Variants in ITGA1 observed in about 807,000 individuals in gnomAD.
ITGA1 encodes integrin alpha-1.
In ITGA1, 85 loss-of-function variants were observed where a neutral mutation model predicts 145.9. That is an observed-to-expected ratio of 0.58 (90% CI 0.49 to 0.70). The LOEUF (loss-of-function observed/expected upper bound fraction) is 0.70, where lower values mean the gene tolerates loss of function less well. Among genes scored for constraint, ITGA1 ranks in the 30% least tolerant of loss-of-function variants. ITGA1 has a pLI of 0.00. For missense variants in ITGA1, 1,351 were observed against 1,418.7 expected, an observed-to-expected ratio of 0.95 and a Z score of 0.77; for synonymous variants, 520 against 495.3, an observed-to-expected ratio of 1.05 and a Z score of -0.66.
intron 6 of ITGA1, among the ~76,000 whole-genome samples, chr5:52,876,674 A>G (rs1579691765): frequency 1.3e-5 from 2 of 152,322 alleles, no homozygotes; most frequent in East Asian, 3.9e-4. Context: ...GCAAAACAGC[A>G]GTGAAGGATA....
At chr5:52,826,720 C>A (rs867224339) in intron 1 of ITGA1, among the ~76,000 whole-genome samples, 5 of 152,164 alleles carry the variant, frequency 3.3e-5, no homozygotes, top group Non-Finnish European at 5.9e-5. Flanking sequence ...ATAAATGGAA[C>A]AACAAAACCT....
At chr5:52,925,570 T>C (rs1750793501) in intron 19 of ITGA1, 83 bp downstream of exon 19, 1 of 1,008,058 alleles carries the variant, frequency 9.9e-7, no homozygotes, top group Middle Eastern at 2.2e-4. Flanking sequence ...TAATTGCTTT[T>C]ATTAGATTGA....
At chr5:52,800,166 C>T in intron 1 of ITGA1, 1 of 569,828 alleles carries the variant, frequency 1.8e-6, no homozygotes, top group East Asian at 3.0e-5. Context: ...GCAGTGTTCC[C>T]CGAGCCTGTT....
chr5:52,939,554 G>A, intron 24 of ITGA1, 36 bp from the exon 25 acceptor site: 1 of 1,360,078 alleles, frequency 7.4e-7, no homozygotes, highest in South Asian at 1.2e-5. Flanking sequence ...TCTGATATCT[G>A]GCATTGTCTG....
intron 6 of ITGA1, 131 bp from the exon 7 acceptor site, chr5:52,881,742 G>A: frequency 1.5e-6 from 1 of 670,888 alleles, no homozygotes; most frequent in Admixed American, 2.8e-5. Flanking sequence ...TGTCAAAATA[G>A]AAGCATTTGT....
chr5:52,909,282 A>G (rs1480305928), intron 13 of ITGA1, among the ~76,000 whole-genome samples: 2 of 152,080 alleles, frequency 1.3e-5, no homozygotes, highest in Non-Finnish European at 2.9e-5. Flanking sequence ...TATAGGATAA[A>G]GGAGGTAAAT....
chr5:52,916,867 G>C (rs1485378819), intron 15 of ITGA1, among the ~76,000 whole-genome samples: 1 of 152,064 alleles, frequency 6.6e-6, no homozygotes. Flanking sequence ...ATGTTTTCAG[G>C]GTTTTTATGC....
intron 9 of ITGA1, among the ~76,000 whole-genome samples, chr5:52,895,117 G>T (rs1038038234): frequency 6.6e-6 from 1 of 151,964 alleles, no homozygotes; most frequent in African/African-American, 2.4e-5. Flanking sequence ...AAAAAAAAAT[G>T]CTGGCTATAC....
At chr5:52,877,503 G>C (rs1425494562) in intron 6 of ITGA1, among the ~76,000 whole-genome samples, 2 of 152,170 alleles carry the variant, frequency 1.3e-5, no homozygotes, top group African/African-American at 4.8e-5. Context: ...CATTGACATG[G>C]CAACAACCAG....
At chr5:52,904,105 G>A (rs571358350) in intron 11 of ITGA1, 1 of 152,518 alleles carries the variant, frequency 6.6e-6, no homozygotes, top group South Asian at 2.1e-4. Context: ...TGCAATGGTG[G>A]AGCTGGTAGA....
chr5:52,915,807 G>C (rs1750638427), intron 15 of ITGA1, among the ~76,000 whole-genome samples: 1 of 152,006 alleles, frequency 6.6e-6, no homozygotes, highest in Non-Finnish European at 1.5e-5. Flanking sequence ...TCTTAATTTG[G>C]TGTGTCTATT....
chr5:52,849,384 A>G lies in ITGA1; in HGVS notation c.81A>G (p.Val27=), dbSNP rs746066086. 5.1e-5 allele frequency: 82 copies of G among 1,611,306 alleles called. No homozygotes were observed. In the Middle Eastern group the frequency reaches 7.3e-4, roughly 14 times the overall value. The change falls in exon 2 of 29, where the codon GTA becomes GTG. Residue 27 remains valine, a synonymous_variant. Coordinates refer to ENST00000282588, the MANE Select transcript of ITGA1 (RefSeq NM_181501.2). ...CTAAAGTTGTTCTACGCTGCTGCGTATCATTCAATGTTGATGTGAAAAATT... is the reference window on the plus strand; with the variant it reads ...CTAAAGTTGTTCTACGCTGCTGCGTGTCATTCAATGTTGATGTGAAAAATT... ...WLLTVVLRCC[V]SFNVDVKNSM... is the part of the protein sequence containing the mutation.
At chr5:52,926,847 C>T (rs1750819060) in intron 19 of ITGA1, among the ~76,000 whole-genome samples, 1 of 152,036 alleles carries the variant, frequency 6.6e-6, no homozygotes, top group Non-Finnish European at 1.5e-5. Context: ...GGTTTAGGCC[C>T]TGTACTAAGG....
chr5:52,812,345 A>G (rs1246865195), intron 1 of ITGA1, among the ~76,000 whole-genome samples: 1 of 152,188 alleles, frequency 6.6e-6, no homozygotes, highest in African/African-American at 2.4e-5. Flanking sequence ...AAGGTAGAGA[A>G]CCCAGATCCC....
intron 1 of ITGA1, among the ~76,000 whole-genome samples, chr5:52,822,481 A>G (rs1490685862): frequency 6.6e-6 from 1 of 152,210 alleles, no homozygotes; most frequent in African/African-American, 2.4e-5. Flanking sequence ...TCTCAAACTC[A>G]TAGAGGCATC....
At chr5:52,929,492 G>T (rs1331755202) in intron 20 of ITGA1, 133 bp from the exon 21 acceptor site, 2 of 619,460 alleles carry the variant, frequency 3.2e-6, no homozygotes, top group African/African-American at 3.8e-5. Flanking sequence ...ATACAATAAG[G>T]TTTCATTTTG....
At position 52,801,284 on chromosome 5, in the gene ITGA1, T is replaced by G. The variant is rs1748475341; in HGVS notation, c.61+12870T>G. 3 of 1,146,464 alleles carry G rather than the reference T, an allele frequency of 2.6e-6. No homozygotes were observed. In the South Asian group the frequency reaches 4.7e-5, roughly 18 times the overall value. 71.0% of individuals were successfully genotyped at this position (1,146,464 alleles called of 1,614,324 possible). On this transcript the variant is annotated intron_variant, in intron 1 of 28. Transcript: ENST00000282588. The stretch of plus-strand genomic sequence containing the variant: ...AGAGAATGTTAAATGTCTAGCAAAT[T>G]TATGGAGTAAACTTCGCTGAAACAT...
In ITGA1 at chr5:52,922,801, G is replaced by C; in HGVS notation, c.2317G>C (p.Val773Leu). Residue 773 changes from valine (V) to leucine (L), a missense_variant, in exon 18 of 29, where the codon GTG becomes CTG. By Grantham distance (32) the Val-to-Leu change is conservative. Coordinates refer to ENST00000282588, the MANE Select transcript of ITGA1 (RefSeq NM_181501.2). ...MLDKHDFQDS[V>L]RITLDFNLTD... ...GGACAAGCATGACTTTCAGGACTCT[G>C]TGAGAATAACGTTGGACTTTAATCT... 6.2e-7 allele frequency: 1 copy of C among 1,612,784 alleles called. No homozygotes were observed. Among genetic ancestry groups the C allele is most frequent in the South Asian group, 1.1e-5 (1 of 91,052 alleles).
At chr5:52,910,448 C>G (rs984454151) in intron 14 of ITGA1, 29 bp downstream of exon 14, 4 of 1,598,236 alleles carry the variant, frequency 2.5e-6, no homozygotes, top group Non-Finnish European at 2.6e-6. Context: ...AGATTCCCAC[C>G]CTTCAGTGAT....
Sources: gnomAD v4.1 joint callset for allele counts (sites outside exome capture counted in the v4.1 genomes callset) on GRCh38, gnomAD v4.1.1 for gene constraint, MANE v1.5 for transcripts, NCBI Gene and HGNC (gene_info 2026-07-23, HGNC 2026-07-21) for gene names.